Variants in IL1RAPL1 observed in about 807,000 individuals in gnomAD.
IL1RAPL1 encodes the protein interleukin 1 receptor accessory protein like 1.
In IL1RAPL1, 3 loss-of-function variants were observed where a neutral mutation model predicts 48.4. The ratio of observed to expected loss-of-function variants is 0.06; its 90% CI spans 0.03 to 0.16. The LOEUF (loss-of-function observed/expected upper bound fraction) is 0.16. Among genes scored for constraint, IL1RAPL1 ranks in the 10% least tolerant of loss-of-function variants. The probability of loss-of-function intolerance (pLI) is 1.00; values close to 1 mark genes in which losing one functional copy is unlikely to be tolerated. For missense variants in IL1RAPL1, 349 were observed against 530.6 expected (o/e 0.66, Z 3.36); for synonymous variants, 185 against 187.7 (o/e 0.99, Z 0.12).
At chrX:29,374,286 CTTTTTTTTTT>C (rs747182215) in intron 3 of IL1RAPL1, among the ~76,000 whole-genome samples, 5 of 4,753 alleles carry the variant, frequency 1.1e-3, no homozygotes, top group East Asian at 7.6e-3. Flanking sequence ...TGGTTGGTTG[CTTTTTTTTTT>C]TTTTTTTTTT....
At chrX:29,448,606 G>A (rs1934638937) in intron 5 of IL1RAPL1, among the ~76,000 whole-genome samples, 1 of 112,102 alleles carries the variant, frequency 8.9e-6, no homozygotes, top group Non-Finnish European at 1.9e-5. Context: ...GGTGGTTGAG[G>A]AATACAAAGA....
At chrX:29,294,051 T>A (rs936273600) in intron 3 of IL1RAPL1, among the ~76,000 whole-genome samples, 6 of 106,290 alleles carry the variant, frequency 5.6e-5, no homozygotes, top group Non-Finnish European at 9.7e-5. Context: ...AAAAAAAAAA[T>A]AAATGAATAA....
At chrX:29,213,181 A>G (rs1041708435) in intron 2 of IL1RAPL1, among the ~76,000 whole-genome samples, 3 of 111,225 alleles carry the variant, frequency 2.7e-5, no homozygotes, top group African/African-American at 6.6e-5. Flanking sequence ...TATTTTTAGT[A>G]GAGACGGAGT....
At chrX:29,770,503 A>T (rs781407788) in intron 6 of IL1RAPL1, among the ~76,000 whole-genome samples, 2 of 112,193 alleles carry the variant, frequency 1.8e-5, no homozygotes, top group Non-Finnish European at 3.8e-5. Context: ...TATGTGCCAG[A>T]CACAATCATA....
At chrX:29,921,270 TTC>T (rs1932846440) in intron 8 of IL1RAPL1, among the ~76,000 whole-genome samples, 1 of 112,541 alleles carries the variant, frequency 8.9e-6, no homozygotes, top group South Asian at 3.7e-4. Flanking sequence ...ACACTTGATG[TTC>T]TCTTACTCAG....
At chrX:29,418,125 A>ATATATT (rs1474269220) in intron 5 of IL1RAPL1, among the ~76,000 whole-genome samples, 3 of 26,704 alleles carry the variant, frequency 1.1e-4, no homozygotes, top group African/African-American at 3.3e-4. Flanking sequence ...ATATATATAT[A>ATATATT]TTTTTTTTTT....
At chrX:29,859,640 TA>T (rs1227787276) in intron 6 of IL1RAPL1, among the ~76,000 whole-genome samples, 1 of 112,396 alleles carries the variant, frequency 8.9e-6, no homozygotes, top group Non-Finnish European at 1.9e-5. Context: ...TGAAATGTGT[TA>T]AAAATTACTG....
intron 2 of IL1RAPL1, among the ~76,000 whole-genome samples, chrX:29,121,593 G>A (rs1928786786): frequency 9.0e-6 from 1 of 111,723 alleles, no homozygotes; most frequent in Non-Finnish European, 1.9e-5. Context: ...TGACAAAACA[G>A]CAGCAGCAAC....
At chrX:28,755,713 A>G (rs1163883071) in intron 1 of IL1RAPL1, among the ~76,000 whole-genome samples, 2 of 111,560 alleles carry the variant, frequency 1.8e-5, no homozygotes, top group Non-Finnish European at 3.8e-5. Flanking sequence ...CCTATTTCTG[A>G]TTTCATTTTT....
intron 2 of IL1RAPL1, among the ~76,000 whole-genome samples, chrX:29,022,385 T>G (rs1479224825): frequency 1.8e-5 from 2 of 111,718 alleles, no homozygotes; most frequent in Non-Finnish European, 3.8e-5. Context: ...AAAACTATAT[T>G]TGATAGAAAA....
rs761136244 is a variant in IL1RAPL1, at chrX:29,634,350, G to T, written c.704-34080G>T. ...ATCCCATATTGAGGCAGAAAGAAAA[G>T]ATAATTACAGCTTTATAAAAAAAAT... On this transcript the variant is annotated intron_variant, in intron 5 of 10. Coordinates refer to ENST00000378993, the MANE Select transcript of IL1RAPL1 (RefSeq NM_014271.4). 1.9e-3 allele frequency among the ~76,000 whole-genome samples: 208 copies of T among 111,211 alleles called. 2 individuals are homozygous for T. Among genetic ancestry groups the T allele is most frequent in the African/African-American group, 6.2e-3 (188 of 30,335 alleles).
intron 2 of IL1RAPL1, among the ~76,000 whole-genome samples, chrX:28,802,169 A>G (rs903458454): frequency 8.9e-6 from 1 of 112,423 alleles, no homozygotes; most frequent in Admixed American, 9.4e-5. Flanking sequence ...ATTTCTTTTT[A>G]AATAGCACAC....
At chrX:28,762,823 CAGAGAGAG>C (rs146402299) in intron 1 of IL1RAPL1, among the ~76,000 whole-genome samples, 4 of 36,778 alleles carry the variant, frequency 1.1e-4, no homozygotes, top group Admixed American at 4.0e-4. Flanking sequence ...CACACACACA[CAGAGAGAG>C]AGAGAGAGAG....
chrX:29,391,071 G>A (rs1933847429), intron 3 of IL1RAPL1, among the ~76,000 whole-genome samples: 1 of 110,314 alleles, frequency 9.1e-6, no homozygotes, highest in South Asian at 3.9e-4. Context: ...CTATTCCGGA[G>A]GCTGAGGCTG....
intron 2 of IL1RAPL1, among the ~76,000 whole-genome samples, chrX:28,794,088 A>G (rs1302155298): frequency 9.0e-6 from 1 of 111,525 alleles, no homozygotes; most frequent in East Asian, 2.8e-4. Flanking sequence ...GGCATTTAAG[A>G]AAAATGATTT....
At chrX:29,528,652 T>C (rs1254701107) in intron 5 of IL1RAPL1, among the ~76,000 whole-genome samples, 4 of 112,454 alleles carry the variant, frequency 3.6e-5, no homozygotes, top group Non-Finnish European at 7.5e-5. Flanking sequence ...ATGTCTGATC[T>C]CTGGAAGGGC....
intron 5 of IL1RAPL1, among the ~76,000 whole-genome samples, chrX:29,500,244 G>A (rs1463536485): frequency 8.9e-6 from 1 of 112,147 alleles, no homozygotes; most frequent in Admixed American, 9.4e-5. Context: ...GCCTCCCAAA[G>A]TGTTGGGATT....
intron 5 of IL1RAPL1, among the ~76,000 whole-genome samples, chrX:29,577,916 G>T: frequency 1.9e-5 from 2 of 102,927 alleles, no homozygotes; most frequent in Non-Finnish European, 4.0e-5. Flanking sequence ...ATCAACTTTG[G>T]CTGTACATTA....
At chrX:29,142,557 C>A (rs61587906) in intron 2 of IL1RAPL1, among the ~76,000 whole-genome samples, 2 of 111,176 alleles carry the variant, frequency 1.8e-5, no homozygotes, top group African/African-American at 6.6e-5. Flanking sequence ...ATTGTATCGA[C>A]GTTAATTTCC....
Sources: gnomAD v4.1 joint callset for allele counts (sites outside exome capture counted in the v4.1 genomes callset) on GRCh38, gnomAD v4.1.1 for gene constraint, MANE v1.5 for transcripts, NCBI Gene and HGNC (gene_info 2026-07-23, HGNC 2026-07-21) for gene names.